WIPF3: variants seen among roughly 807,000 people sequenced by gnomAD.
The protein encoded by WIPF3 is WAS/WASL interacting protein family member 3, also known as WAS/WASL-interacting protein family member 3.
In WIPF3, 33 loss-of-function variants were observed where a neutral mutation model predicts 38.9. That is an observed-to-expected ratio of 0.85 (90% CI 0.64 to 1.14). The LOEUF is 1.14. WIPF3 is among the 50% of genes most tolerant of loss of function. WIPF3 has a pLI of 0.00. For synonymous variants in WIPF3, 324 were observed against 269.3 expected (o/e 1.20, Z -1.99); for missense variants, 711 against 652.5 (o/e 1.09, Z -0.98).
chr7:29,838,001 C>T (rs1249366389), intron 2 of WIPF3, among the ~76,000 whole-genome samples: 1 of 152,212 alleles, frequency 6.6e-6, no homozygotes, highest in Non-Finnish European at 1.5e-5. Context: ...TCACTGCAAG[C>T]TCCTCCTCCC....
chr7:29,889,535 G>A, intron 7 of WIPF3, 128 bp downstream of exon 7: 1 of 699,782 alleles, frequency 1.4e-6, no homozygotes, highest in Non-Finnish European at 2.5e-6. Flanking sequence ...CTGCAAGGAT[G>A]TAGTGCTGTG....
intron 5 of WIPF3, among the ~76,000 whole-genome samples, chr7:29,884,919 G>A (rs1444818734): frequency 6.6e-6 from 1 of 152,190 alleles, no homozygotes; most frequent in African/African-American, 2.4e-5. Flanking sequence ...GAGGTGCTTG[G>A]AACAGGGCAA....
At chr7:29,849,699 G>A (rs534290674) in intron 2 of WIPF3, among the ~76,000 whole-genome samples, 6 of 152,022 alleles carry the variant, frequency 3.9e-5, no homozygotes, top group Non-Finnish European at 7.4e-5. Flanking sequence ...TGTGTGTTGC[G>A]GCTTTAAAAA....
intron 1 of WIPF3, among the ~76,000 whole-genome samples, chr7:29,807,168 G>A (rs1002094862): frequency 4.6e-5 from 7 of 152,136 alleles, no homozygotes; most frequent in African/African-American, 1.7e-4. Context: ...TGCAGAGCCG[G>A]AGGTGGCTTG....
intron 7 of WIPF3, among the ~76,000 whole-genome samples, chr7:29,896,253 G>A (rs113054789): frequency 0.011 from 1,606 of 148,680 alleles, 35 homozygotes; most frequent in East Asian, 0.059. Context: ...AGACTGCAGT[G>A]AGCTATGATT....
intron 2 of WIPF3, among the ~76,000 whole-genome samples, chr7:29,867,481 C>T (rs2128071704): frequency 6.6e-6 from 1 of 151,740 alleles, no homozygotes; most frequent in East Asian, 1.9e-4. Context: ...AAACCTCACA[C>T]TGTTCTAACT....
At chr7:29,814,641 T>G (rs1366699855) in intron 1 of WIPF3, among the ~76,000 whole-genome samples, 1 of 152,226 alleles carries the variant, frequency 6.6e-6, no homozygotes, top group Non-Finnish European at 1.5e-5. Context: ...CTTATGTCTT[T>G]GAGCCTTCAT....
At chr7:29,913,345 C>CA (rs1161222562) in intron 8 of WIPF3, among the ~76,000 whole-genome samples, 1,233 of 74,238 alleles carry the variant, frequency 0.017, 18 homozygotes, top group African/African-American at 0.043. Flanking sequence ...AACTCCGTCT[C>CA]AAAAAAAAAA....
Position 29,858,722 on chromosome 7 carries a change from C to T in WIPF3, c.91-17108C>T, listed in dbSNP as rs534989241. On this transcript the variant is annotated intron_variant, in intron 2 of 8. Transcript: ENST00000242140. ...TCCTTTTTAGAATTGCTGGCATTCA[C>T]TTAAACAGATGCTACTGTACTTTTC... Among the ~76,000 whole-genome samples the T allele has an allele frequency of 9.2e-5, 14 of 152,288 alleles. No homozygotes were observed. In the South Asian group the frequency reaches 1.9e-3, roughly 20 times the overall value.
At chr7:29,901,987 G>T (rs1253052844) in intron 7 of WIPF3, among the ~76,000 whole-genome samples, 1 of 152,068 alleles carries the variant, frequency 6.6e-6, no homozygotes, top group Non-Finnish European at 1.5e-5. Context: ...GCCATTTTTG[G>T]GTTGTTACAA....
At chr7:29,887,615 G>T (rs1000899422) in intron 5 of WIPF3, among the ~76,000 whole-genome samples, 2 of 152,146 alleles carry the variant, frequency 1.3e-5, no homozygotes, top group South Asian at 4.1e-4. Flanking sequence ...GCCCCTGGCC[G>T]CTCCCTCTTC....
intron 1 of WIPF3, among the ~76,000 whole-genome samples, chr7:29,810,644 A>G (rs1157604778): frequency 6.6e-6 from 1 of 152,242 alleles, no homozygotes; most frequent in African/African-American, 2.4e-5. Flanking sequence ...TCCAATAGTT[A>G]TCTCCTTTAG....
At chr7:29,882,542 T>A (rs1785741864) in intron 4 of WIPF3, among the ~76,000 whole-genome samples, 1 of 152,208 alleles carries the variant, frequency 6.6e-6, no homozygotes, top group Non-Finnish European at 1.5e-5. Context: ...TACCAAGGTC[T>A]TGCCTACTTA....
intron 2 of WIPF3, among the ~76,000 whole-genome samples, chr7:29,836,484 T>C (rs1436360281): frequency 6.6e-6 from 1 of 152,240 alleles, no homozygotes. Flanking sequence ...GTATGTATCA[T>C]AGTTTTCCCC....
chr7:29,811,377 A>C (rs973611922), intron 1 of WIPF3, among the ~76,000 whole-genome samples: 1 of 152,152 alleles, frequency 6.6e-6, no homozygotes, highest in African/African-American at 2.4e-5. Flanking sequence ...AAACAACATA[A>C]AATTAATAGA....
chr7:29,907,379 G>A (rs1045291575), intron 8 of WIPF3, among the ~76,000 whole-genome samples: 7 of 152,178 alleles, frequency 4.6e-5, no homozygotes, highest in African/African-American at 1.7e-4. Context: ...TGATGGAGCT[G>A]TAAAAAAGCA....
intron 2 of WIPF3, among the ~76,000 whole-genome samples, chr7:29,871,926 T>G (rs368819114): frequency 7.2e-5 from 11 of 152,322 alleles, no homozygotes; most frequent in African/African-American, 2.4e-4. Flanking sequence ...TGGGCTGTCT[T>G]TTTTGAAGCT....
At position 29,884,325 on chromosome 7, in the gene WIPF3, G is replaced by A; in HGVS notation, c.831G>A (p.Ala277=). 7.2e-7 allele frequency: 1 copy of A among 1,384,236 alleles called. No homozygotes were observed. The highest frequency in any genetic ancestry group is 9.5e-7 in the Non-Finnish European group (1 of 1,052,446). The allele number at this position is 1,384,236 out of a possible 1,614,324, so 85.7% of individuals were successfully genotyped here. ...CTTGTGGGTATCCGGGGCTCAAAGC[G>A]GAGCCCGCCAGCCCTGCGCAAGATG... The part of the protein sequence containing the change: ...LPPCGYPGLK[A]EPASPAQDAQ... The change falls in exon 5 of 9, where the codon GCG becomes GCA. Residue 277 remains alanine, a synonymous_variant. Transcript: ENST00000242140.
intron 8 of WIPF3, among the ~76,000 whole-genome samples, chr7:29,906,660 G>T (rs139567323): frequency 1.3e-5 from 2 of 152,160 alleles, no homozygotes; most frequent in South Asian, 2.1e-4. Flanking sequence ...TTGATGAAAG[G>T]CATGAATATA....
Sources: allele counts gnomAD v4.1 joint callset (sites outside exome capture counted in the v4.1 genomes callset), GRCh38; gene constraint gnomAD v4.1.1; transcripts MANE v1.5; gene names NCBI Gene and HGNC (gene_info 2026-07-23, HGNC 2026-07-21).